The following STAT6 variants were observed in gnomAD, a reference collection of about 807,000 sequenced individuals.
STAT6 encodes the protein STAT, interleukin4-induced.
STAT6 carries 45 observed loss-of-function variants against 106.3 expected under a neutral mutation model. The observed-to-expected ratio is 0.42, with a 90% CI of 0.33 to 0.54. The LOEUF is 0.54. STAT6 is among the 20% of genes least tolerant of loss of function. The pLI, the probability that STAT6 is intolerant of heterozygous loss-of-function variation, is 0.06. For synonymous variants in STAT6, 413 were observed against 413.6 expected, an observed-to-expected ratio of 1.00 and a Z score of 0.02; for missense variants, 797 against 1,062.2, an observed-to-expected ratio of 0.75 and a Z score of 3.47.
At chr12:57,104,927 G>C in intron 9 of STAT6, 114 bp from the exon 10 acceptor site, 1 of 1,343,010 alleles carries the variant, frequency 7.4e-7, no homozygotes, top group Middle Eastern at 1.9e-4. Context: ...CCATGTCTCT[G>C]TTTGGGTTCT....
rs762932081 is a variant in STAT6 at position 57,099,997 on chromosome 12, G to A, written c.1606C>T (p.Arg536Trp). 15 of 1,613,496 alleles carry A rather than the reference G, an allele frequency of 9.3e-6. No homozygotes were observed. Among genetic ancestry groups the A allele is most frequent in the Middle Eastern group, 1.6e-4 (1 of 6,084 alleles). Residue 536 changes from arginine to tryptophan, a missense_variant and splice_region_variant, in exon 14 of 22, where the codon CGG (arginine) becomes TGG (tryptophan). By Grantham distance (101) the Arg-to-Trp change is moderately radical. Coordinates refer to ENST00000300134, the MANE Select transcript of STAT6 (RefSeq NM_003153.5). The surrounding 1 kb of genome is among the most constrained non-coding windows in gnomAD (Gnocchi z 4.7). ...AGACTACCCAGGGTGGGGACTCACCGGTCAGACCAGTAGCTCCGGAGACAG... is the reference window on the plus strand; with the variant it reads ...AGACTACCCAGGGTGGGGACTCACCAGTCAGACCAGTAGCTCCGGAGACAG... Reference protein sequence around the residue: ...KRCLRSYWSDRLIIGFISKQY... With the variant: ...KRCLRSYWSDWLIIGFISKQY...
chr12:57,095,876 T>C lies in STAT6; in HGVS notation c.*696A>G, dbSNP rs1311273791. On this transcript the variant is annotated 3_prime_UTR_variant, in exon 22 of 22. Transcript: ENST00000300134. ...AGGTGCCAGCTATACATTTAACATATCCTAGGTACATACACGTTCACACAG... is the reference window on the plus strand; with the variant it reads ...AGGTGCCAGCTATACATTTAACATACCCTAGGTACATACACGTTCACACAG... 6.6e-6 allele frequency: 1 copy of C among 152,234 alleles called. No homozygotes were observed. The highest frequency in any genetic ancestry group is 6.5e-5 in the Admixed American group (1 of 15,284). The allele number at this position is 152,234 out of a possible 1,614,324, so 9.4% of individuals were successfully genotyped here.
Position 57,106,850 on chromosome 12 carries a change from T to C in STAT6, c.340-19A>G. The C allele has an allele frequency of 2.5e-6, 4 of 1,612,786 alleles. No individual in the cohort carries two copies. The highest frequency in any genetic ancestry group is 3.4e-6 in the Non-Finnish European group (4 of 1,179,990). On this transcript the variant is annotated intron_variant, in intron 4 of 21. Transcript: ENST00000300134. ...GGCGGAACTACACAGGAAGGACAGA[T>C]GCCAAGAAGTGAAACACTCTGCTCA...
chr12:57,107,582 T>C lies in STAT6; in HGVS notation c.255+23A>G, dbSNP rs770950406. On this transcript the variant is annotated intron_variant, in intron 3 of 21. Transcript: ENST00000300134. Reference sequence around the variant, plus strand: ...GTTCAACCTCAGCCCCACCCAGCCTTGTCCCCTCCCCTCCTGCCCCACCTC... The same window carrying C: ...GTTCAACCTCAGCCCCACCCAGCCTCGTCCCCTCCCCTCCTGCCCCACCTC... 6 of 1,611,894 alleles carry C rather than the reference T, an allele frequency of 3.7e-6. No homozygotes were observed. In the South Asian group the frequency reaches 6.6e-5, roughly 18 times the overall value.
intron 11 of STAT6, chr12:57,103,300 G>A (rs939268415): frequency 5.5e-5 from 9 of 162,690 alleles, no homozygotes; most frequent in African/African-American, 2.2e-4. Flanking sequence ...GAGTAGCTGG[G>A]ACTCAGGCGC....
chr12:57,106,639 A>G, intron 5 of STAT6, 54 bp downstream of exon 5: 1 of 1,613,338 alleles, frequency 6.2e-7, no homozygotes, highest in Non-Finnish European at 8.5e-7. Flanking sequence ...GATAAGGTTG[A>G]GATCCAAGAG....
chr12:57,105,750 G>A, intron 7 of STAT6, 151 bp from the exon 8 acceptor site: 1 of 1,297,834 alleles, frequency 7.7e-7, no homozygotes, highest in East Asian at 2.6e-5. Flanking sequence ...GGCTGAAGGG[G>A]GTTCTGTGAT....
chr12:57,099,298 G>T lies in STAT6; in HGVS notation c.1887C>A (p.Tyr629Ter). ...KPKDEAFRSH[Y>*]KPEQMGKDGR... ...GAGCTGCCAGTTCCAGCTCACGCTT[G>T]TAGTGGCTCCGGAAAGCCTCATCCT... Residue 629 changes from tyrosine (Y) to a stop codon, truncating the protein, a stop_gained, in exon 16 of 22, where the codon TAC becomes TAA. Coordinates refer to ENST00000300134, the MANE Select transcript of STAT6 (RefSeq NM_003153.5). LOFTEE classifies it high-confidence loss of function. This position sits in a 1 kb window ranked among gnomAD's most constrained non-coding sequence, Gnocchi z 4.7. 1 of 1,614,194 alleles carries T rather than the reference G, an allele frequency of 6.2e-7. No homozygotes were observed. Among genetic ancestry groups the T allele is most frequent in the Non-Finnish European group, 8.5e-7 (1 of 1,180,038 alleles).
chr12:57,105,255 C>T lies in STAT6; in HGVS notation c.897G>A (p.Leu299=), dbSNP rs2034196481. ...FQAGVRFLLG[L]RFLGAPAKPP... ...GCTTGGCTGGGGCCCCCAGGAACCT[C>T]AAGCCCAACAGGAATCGAACTCCAG... The change falls in exon 9 of 22, where the codon TTG becomes TTA. Residue 299 remains leucine (L), a synonymous_variant. Transcript: ENST00000300134. The T allele has an allele frequency of 6.2e-7, 1 of 1,614,114 alleles. No individual in the cohort carries two copies. The highest frequency in any genetic ancestry group is 1.3e-5 in the African/African-American group (1 of 75,026).
chr12:57,106,256 T>C lies in STAT6; in HGVS notation c.615A>G (p.Lys205=). ...CATTCCCTGCCAGCTGCTGCTGCCG[T>C]TTCCAAATCTGGATCCTCTTCAGCA... is the stretch of plus-strand genomic sequence containing the variant. ...ALVLKRIQIW[K]RQQQLAGNGA... The change falls in exon 7 of 22, where the codon AAA becomes AAG. Residue 205 remains lysine, a synonymous_variant. Transcript: ENST00000300134. 7 of 1,614,212 alleles carry C rather than the reference T, an allele frequency of 4.3e-6. No homozygotes were observed. The highest frequency in any genetic ancestry group is 5.9e-6 in the Non-Finnish European group (7 of 1,180,046).
intron 13 of STAT6, chr12:57,100,739 AAAGAAAG>A (rs1214756944): frequency 5.1e-5 from 13 of 255,254 alleles, no homozygotes; most frequent in Middle Eastern, 1.4e-3. Flanking sequence ...AGAAAGAAAG[AAAGAAAG>A]AAAAGAAAAA....
chr12:57,097,191 C>A, intron 19 of STAT6, 58 bp from the exon 20 acceptor site: 2 of 1,409,708 alleles, frequency 1.4e-6, no homozygotes, highest in Non-Finnish European at 1.9e-6. Context: ...CAGAGTGGTG[C>A]AAAGTCAGGA....
At chr12:57,105,808 C>T in intron 7 of STAT6, 1 of 877,706 alleles carries the variant, frequency 1.1e-6, no homozygotes. Flanking sequence ...GTGCCTACAC[C>T]CCCTGTGGAA....
At chr12:57,106,397 G>A (rs867094932) in intron 6 of STAT6, 58 bp from the exon 7 acceptor site, 3 of 1,609,594 alleles carry the variant, frequency 1.9e-6, no homozygotes, top group Non-Finnish European at 2.5e-6. Flanking sequence ...CCCAGCTCCT[G>A]GGATACGGCT....
rs746151642 is a variant in STAT6, at chr12:57,104,256, C to T, written c.1212+208G>A. 450 of 649,500 alleles carry T rather than the reference C, an allele frequency of 6.9e-4. 1 individual carries two copies. Among genetic ancestry groups the T allele is most frequent in the Non-Finnish European group, 1.0e-3 (399 of 386,192 alleles). The allele number at this position is 649,500 out of a possible 1,614,324, so 40.2% of individuals were successfully genotyped here. Reference sequence around the variant, plus strand: ...TGCCCTGGTCTATAGGAAGTGCTTCCGAAGTGTTTGCTGCTATCCACTACC... The same window carrying T: ...TGCCCTGGTCTATAGGAAGTGCTTCTGAAGTGTTTGCTGCTATCCACTACC... On this transcript the variant is annotated intron_variant, in intron 11 of 21. Transcript: ENST00000300134.
chr12:57,100,642 A>G (rs1285643042), intron 13 of STAT6, among the ~76,000 whole-genome samples: 4 of 80,832 alleles, frequency 4.9e-5, no homozygotes, highest in Non-Finnish European at 5.0e-5. Flanking sequence ...GAGAAAGAGA[A>G]AGAAAGAAAG....
At chr12:57,109,930 C>G (rs1218614847) in intron 1 of STAT6, 1 of 152,298 alleles carries the variant, frequency 6.6e-6, no homozygotes, top group Non-Finnish European at 1.5e-5. Context: ...GTTGCACGTT[C>G]AGCCTCTCAC....
intron 18 of STAT6, 57 bp downstream of exon 18, chr12:57,098,735 G>A (rs2033618651): frequency 6.3e-7 from 1 of 1,575,216 alleles, no homozygotes; most frequent in Non-Finnish European, 8.7e-7. Flanking sequence ...AGCTGCCCAT[G>A]CTAAGATTAG....
chr12:57,098,658 CT>C, intron 18 of STAT6, 61 bp from the exon 19 acceptor site: 1 of 1,578,204 alleles, frequency 6.3e-7, no homozygotes, highest in Non-Finnish European at 8.7e-7. Context: ...CCACACCCTG[CT>C]TTTGAACAGG....
Sources: gnomAD v4.1 joint callset for allele counts (sites outside exome capture counted in the v4.1 genomes callset) on GRCh38, gnomAD v4.1.1 for gene constraint, Gnocchi (gnomAD v3.1) non-coding constraint, MANE v1.5 for transcripts, NCBI Gene and HGNC (gene_info 2026-07-23, HGNC 2026-07-21) for gene names.